Variants in SRPK2 observed in about 807,000 individuals in gnomAD.
SRPK2 encodes the protein SRSF protein kinase 2.
A neutral mutation model predicts 90.8 loss-of-function variants in SRPK2; 21 were observed. That is an observed-to-expected ratio of 0.23 (90% confidence interval 0.16 to 0.33). SRPK2 has a LOEUF of 0.33. SRPK2 is among the 10% of genes least tolerant of loss of function. The pLI, the probability that SRPK2 is intolerant of heterozygous loss-of-function variation, is 1.00. For synonymous variants in SRPK2, 288 were observed against 311.1 expected (o/e 0.93, Z 0.78); for missense variants, 620 against 869.0 (o/e 0.71, Z 3.60).
intron 3 of SRPK2, among the ~76,000 whole-genome samples, chr7:105,184,636 C>T (rs1023218504): frequency 6.6e-6 from 1 of 152,152 alleles, no homozygotes; most frequent in Non-Finnish European, 1.5e-5. Flanking sequence ...ACAATATTCC[C>T]TCAGTGCTTA....
chr7:105,138,782 G>A (rs1316261802), intron 11 of SRPK2, among the ~76,000 whole-genome samples: 2 of 152,196 alleles, frequency 1.3e-5, no homozygotes, highest in East Asian at 3.8e-4. Context: ...CTGGGCGATA[G>A]AGCAAGATCC....
intron 14 of SRPK2, 41 bp downstream of exon 14, chr7:105,126,952 G>T: frequency 6.3e-7 from 1 of 1,598,806 alleles, no homozygotes; most frequent in Non-Finnish European, 8.6e-7. Flanking sequence ...AGGGCTGGCA[G>T]AAGACCTAGA....
chr7:105,187,283 G>A (rs1341942540), intron 3 of SRPK2, among the ~76,000 whole-genome samples: 2 of 152,110 alleles, frequency 1.3e-5, no homozygotes, highest in East Asian at 3.8e-4. Context: ...TTCCTTTGTT[G>A]CTGGCCTTTC....
chr7:105,130,092 A>G (rs1158696022), intron 13 of SRPK2, among the ~76,000 whole-genome samples: 1 of 152,158 alleles, frequency 6.6e-6, no homozygotes, highest in Non-Finnish European at 1.5e-5. Flanking sequence ...AACTCAAGAA[A>G]AGTAAAACAG....
intron 2 of SRPK2, among the ~76,000 whole-genome samples, chr7:105,294,533 TTTTGTTTTG>T (rs746826979): frequency 1.3e-4 from 20 of 151,770 alleles, no homozygotes; most frequent in Non-Finnish European, 2.5e-4. Context: ...TTTTGTTTTG[TTTTGTTTTG>T]TTTTTTTGAA....
chr7:105,167,217 C>T (rs1790185575), intron 6 of SRPK2, among the ~76,000 whole-genome samples, 160 bp downstream of exon 6: 1 of 152,142 alleles, frequency 6.6e-6, no homozygotes. Context: ...CCCAAAAAGC[C>T]ATGAAAACTA....
intron 2 of SRPK2, among the ~76,000 whole-genome samples, chr7:105,224,362 G>A (rs1798459429): frequency 6.6e-6 from 1 of 152,046 alleles, no homozygotes; most frequent in Non-Finnish European, 1.5e-5. Context: ...GTCATCCTAG[G>A]ACTTTGGGAC....
intron 2 of SRPK2, among the ~76,000 whole-genome samples, chr7:105,239,464 G>C (rs1449455216): frequency 2.6e-5 from 4 of 152,190 alleles, no homozygotes; most frequent in African/African-American, 9.7e-5. Flanking sequence ...GTATCACTGA[G>C]GCAGTTACAT....
At chr7:105,290,197 CAAAAA>C (rs56311004) in intron 2 of SRPK2, among the ~76,000 whole-genome samples, 2 of 133,820 alleles carry the variant, frequency 1.5e-5, no homozygotes, top group Non-Finnish European at 3.2e-5. Context: ...ACAGGCTCTT[CAAAAA>C]AAAAAAAAAA....
chr7:105,221,389 C>T lies in SRPK2; in HGVS notation c.72-17604G>A, dbSNP rs2237614. ...TTGAGCGAGTGATACCCACTTTTCT[C>T]ACCAATCTTATTCTTTCTCCAGCTA... On this transcript the variant is annotated intron_variant, in intron 2 of 15. Transcript: ENST00000393651. Among the ~76,000 whole-genome samples the T allele has an allele frequency of 0.014, 2,092 of 152,266 alleles. 130 individuals carry two copies. In the East Asian group the frequency reaches 0.18, roughly 13 times the overall value.
chr7:105,298,195 C>G (rs771734688), intron 2 of SRPK2, among the ~76,000 whole-genome samples: 1 of 152,236 alleles, frequency 6.6e-6, no homozygotes, highest in Non-Finnish European at 1.5e-5. Context: ...TCTCCCACCT[C>G]TACCTCTTGG....
chr7:105,170,860 AAAGAAAGAAAG>A (rs1563025247), intron 3 of SRPK2, among the ~76,000 whole-genome samples: 1 of 60,326 alleles, frequency 1.7e-5, no homozygotes, highest in Non-Finnish European at 3.8e-5. Flanking sequence ...AGAAAGAAAG[AAAGAAAGAAAG>A]AAAGAAAGAA....
At chr7:105,158,200 A>G (rs1806815358) in intron 7 of SRPK2, among the ~76,000 whole-genome samples, 2 of 152,074 alleles carry the variant, frequency 1.3e-5, no homozygotes, top group South Asian at 4.1e-4. Context: ...TGCTAAGGCT[A>G]TATTTTCTTC....
In SRPK2 at chr7:105,167,946, C is replaced by T. The variant is rs1790299800; in HGVS notation, c.426+62G>A. 4.5e-6 allele frequency: 6 copies of T among 1,343,122 alleles called. No individual in the cohort carries two copies. In the South Asian group the frequency reaches 8.1e-5, roughly 18 times the overall value. 83.2% of individuals were successfully genotyped at this position (1,343,122 alleles called of 1,614,324 possible). ...TTAATTTAGTATTACCCAGAAAAAT[C>T]TTTCTGTAAAATTTTAAGTCATTAA... On this transcript the variant is annotated intron_variant, in intron 5 of 15. Coordinates refer to ENST00000393651, the MANE Select transcript of SRPK2 (RefSeq NM_182692.3).
At chr7:105,339,141 TTAAG>T (rs1337401507) in intron 2 of SRPK2, among the ~76,000 whole-genome samples, 2 of 149,186 alleles carry the variant, frequency 1.3e-5, no homozygotes, top group East Asian at 3.9e-4. Flanking sequence ...CTTGCGTTAA[TTAAG>T]TCACAGAAAT....
intron 2 of SRPK2, among the ~76,000 whole-genome samples, chr7:105,219,171 C>G (rs918971477): frequency 6.6e-6 from 1 of 152,056 alleles, no homozygotes; most frequent in African/African-American, 2.4e-5. Flanking sequence ...TCCCACACCT[C>G]CAGTGTAACC....
intron 1 of SRPK2, among the ~76,000 whole-genome samples, chr7:105,398,692 A>G (rs982710086): frequency 6.6e-6 from 1 of 152,170 alleles, no homozygotes; most frequent in Non-Finnish European, 1.5e-5. Context: ...TCAATTATGA[A>G]GCTTAAACCT....
chr7:105,244,600 C>G (rs1056270300), intron 2 of SRPK2: 6 of 649,200 alleles, frequency 9.2e-6, no homozygotes, highest in Non-Finnish European at 1.6e-5. Flanking sequence ...TCCCAGAGTT[C>G]CACGCGGCGC....
chr7:105,145,876 C>A (rs1804542550), intron 8 of SRPK2, among the ~76,000 whole-genome samples: 1 of 152,128 alleles, frequency 6.6e-6, no homozygotes, highest in African/African-American at 2.4e-5. Flanking sequence ...GAGCCCCAGG[C>A]AGTCCCAGGA....
Sources: allele counts gnomAD v4.1 joint callset (sites outside exome capture counted in the v4.1 genomes callset), GRCh38; gene constraint gnomAD v4.1.1; transcripts MANE v1.5; gene names NCBI Gene and HGNC (gene_info 2026-07-23, HGNC 2026-07-21).